Variants in ATRAID observed in about 807,000 individuals in gnomAD.
ATRAID encodes all-trans retinoic acid induced differentiation factor.
ATRAID carries 26 observed loss-of-function variants against 28.8 expected under a neutral mutation model. That is an observed-to-expected ratio of 0.90 (90% CI 0.66 to 1.25). ATRAID has a LOEUF of 1.25. Ranked by LOEUF, ATRAID falls within the 50% of genes most tolerant of loss-of-function variation. The pLI is 0.00. For missense variants in ATRAID, 308 were observed against 285.9 expected (o/e 1.08, Z -0.56); for synonymous variants, 131 against 108.5 (o/e 1.21, Z -1.29).
At chr2:27,215,897 T>A in intron 5 of ATRAID, 144 bp downstream of exon 5, 1 of 1,127,490 alleles carries the variant, frequency 8.9e-7, no homozygotes, top group Non-Finnish European at 1.2e-6. Context: ...GATCTTAAGA[T>A]ATACTCTATT....
At chr2:27,216,256 T>C (rs746512014) in intron 5 of ATRAID, 1 of 438,434 alleles carries the variant, frequency 2.3e-6, no homozygotes, top group Non-Finnish European at 4.2e-6. Flanking sequence ...AATGGTGGAA[T>C]GTCATCAGTT....
At chr2:27,214,499 T>C (rs1251374736) in intron 2 of ATRAID, among the ~76,000 whole-genome samples, 1 of 152,122 alleles carries the variant, frequency 6.6e-6, no homozygotes, top group Non-Finnish European at 1.5e-5. Context: ...AACACAGATT[T>C]CTCCCAATAG....
At chr2:27,212,600 C>A in intron 1 of ATRAID, 133 bp downstream of exon 1, 1 of 1,438,806 alleles carries the variant, frequency 7.0e-7, no homozygotes, top group African/African-American at 1.5e-5. Context: ...CCGACCCTGC[C>A]CAGCCAGGTC....
intron 2 of ATRAID, among the ~76,000 whole-genome samples, chr2:27,213,720 A>G (rs566767004): frequency 3.3e-5 from 5 of 152,226 alleles, no homozygotes; most frequent in Admixed American, 2.6e-4. Flanking sequence ...GTCCCAACCC[A>G]CTTTTCCAAC....
In ATRAID at chr2:27,212,115, G is replaced by C. The variant is rs562421855; in HGVS notation, c.-254G>C. 8.6e-3 allele frequency: 12,854 copies of C among 1,496,594 alleles called. 75 individuals carry two copies. Among genetic ancestry groups the C allele is most frequent in the Non-Finnish European group, 0.01 (11,688 of 1,126,212 alleles). 92.7% of individuals were successfully genotyped at this position (1,496,594 alleles called of 1,614,324 possible). ...GCTGAGGGAGTCTGCAGTCGGCTCC[G>C]GGAAGCCGCGCGGCGACGGGGGAGG... is the stretch of plus-strand genomic sequence containing the variant. On this transcript the variant is annotated 5_prime_UTR_variant, in exon 1 of 7. Transcript: ENST00000380171.
intron 5 of ATRAID, 21 bp from the exon 6 acceptor site, chr2:27,216,502 C>G (rs1558522479): frequency 1.3e-6 from 2 of 1,560,156 alleles, no homozygotes; most frequent in South Asian, 1.1e-5. Flanking sequence ...GTGATGTTCT[C>G]TATTTCTCTC....
chr2:27,215,043 C>T (rs1674767907), intron 2 of ATRAID, among the ~76,000 whole-genome samples: 1 of 152,122 alleles, frequency 6.6e-6, no homozygotes, highest in Admixed American at 6.5e-5. Context: ...AAGTGATCCT[C>T]CCCCGCTTGG....
intron 2 of ATRAID, among the ~76,000 whole-genome samples, chr2:27,213,751 C>T (rs1050024318): frequency 2.6e-5 from 4 of 152,076 alleles, no homozygotes; most frequent in African/African-American, 7.2e-5. Flanking sequence ...ATTACTTGTC[C>T]GCTCAAACCT....
chr2:27,212,707 ATAACTT>A (rs766269297), intron 1 of ATRAID: 64 of 1,275,974 alleles, frequency 5.0e-5, no homozygotes, highest in Non-Finnish European at 6.3e-5. Flanking sequence ...TAATTTTAGA[ATAACTT>A]TAAGTTCTTT....
At chr2:27,215,269 G>A (rs1231089201) in intron 2 of ATRAID, 52 bp from the exon 3 acceptor site, 3 of 1,568,564 alleles carry the variant, frequency 1.9e-6, no homozygotes, top group Non-Finnish European at 2.6e-6. Flanking sequence ...ACTGTGCCGT[G>A]GCTGAAGAAA....
At chr2:27,214,015 G>C (rs537066274) in intron 2 of ATRAID, among the ~76,000 whole-genome samples, 1 of 151,980 alleles carries the variant, frequency 6.6e-6, no homozygotes, top group East Asian at 1.9e-4. Flanking sequence ...GCATGATCTC[G>C]GCTCACCGCG....
intron 6 of ATRAID, 83 bp from the exon 7 acceptor site, chr2:27,216,761 G>C: frequency 6.9e-6 from 10 of 1,439,406 alleles, no homozygotes; most frequent in Non-Finnish European, 9.7e-7. Flanking sequence ...AAAGTGATAG[G>C]TATATTAGGA....
rs756784358 is a variant in ATRAID, at chr2:27,213,167, T to C, written c.100-10T>C. 3.1e-6 allele frequency: 5 copies of C among 1,609,504 alleles called. 1 individual carries two copies. In the South Asian group the frequency reaches 5.5e-5, roughly 18 times the overall value. ...TTTCTGGAGTTCTAATGTTTCTTTC[T>C]CTTCTGCAGATATGCACCCAATGTC... On this transcript the variant is annotated splice_polypyrimidine_tract_variant and intron_variant, in intron 1 of 6. Transcript: ENST00000380171.
intron 2 of ATRAID, 141 bp from the exon 3 acceptor site, chr2:27,215,180 C>T: frequency 3.9e-6 from 3 of 770,964 alleles, no homozygotes; most frequent in Non-Finnish European, 6.4e-6. Flanking sequence ...AAAATGTCTA[C>T]CACAGCTCCT....
intron 1 of ATRAID, chr2:27,212,938 C>T (rs1035618129): frequency 5.6e-6 from 3 of 539,788 alleles, no homozygotes; most frequent in Non-Finnish European, 6.5e-6. Context: ...TGAGGACCTT[C>T]CCTGTGCGAT....
Position 27,212,068 on chromosome 2 carries a change from G to C in ATRAID, c.-301G>C, listed in dbSNP as rs1393022800. ...GTTTCTGCGAAGCCGCGACCTCGGC[G>C]TCCGGACGCGGGGAACACCGGGCTG... On this transcript the variant is annotated 5_prime_UTR_variant, in exon 1 of 7. Coordinates refer to ENST00000380171, the MANE Select transcript of ATRAID (RefSeq NM_001170795.4). 1 of 1,220,578 alleles carries C rather than the reference G, an allele frequency of 8.2e-7. No individual in the cohort carries two copies. Among genetic ancestry groups the C allele is most frequent in the Non-Finnish European group, 1.1e-6 (1 of 902,662 alleles). The allele number at this position is 1,220,578 out of a possible 1,614,324, so 75.6% of individuals were successfully genotyped here.
At position 27,216,980 on chromosome 2, in the gene ATRAID, A is replaced by C; in HGVS notation, c.*32A>C. On this transcript the variant is annotated 3_prime_UTR_variant, in exon 7 of 7. Coordinates refer to ENST00000380171, the MANE Select transcript of ATRAID (RefSeq NM_001170795.4). Reference sequence around the variant, plus strand: ...TAGGTCTTACCATTGACCTAAGATCAATCTGAACTATCTTAGCCCAGTCAG... The same window carrying C: ...TAGGTCTTACCATTGACCTAAGATCCATCTGAACTATCTTAGCCCAGTCAG... The C allele has an allele frequency of 6.5e-7, 1 of 1,542,558 alleles. No homozygotes were observed. The highest frequency in any genetic ancestry group is 8.9e-7 in the Non-Finnish European group (1 of 1,121,946).
rs772736625 is a variant in ATRAID, at chr2:27,213,203, G to A, written c.126G>A (p.Val42=). ...TATGCACCCAATGTCCAGGGAGCGT[G>A]CAAAATTTGTCAAAAGTGGCCTTTT... The part of the protein sequence containing the change: ...PEICTQCPGS[V]QNLSKVAFYC... Residue 42 remains valine, a synonymous_variant, in exon 2 of 7, where the codon GTG becomes GTA. Transcript: ENST00000380171. 4 of 1,613,954 alleles carry A rather than the reference G, an allele frequency of 2.5e-6. No homozygotes were observed. In the East Asian group the frequency reaches 8.9e-5, roughly 36 times the overall value.
In ATRAID at chr2:27,212,255, A is replaced by C; in HGVS notation, c.-114A>C. 1 of 1,559,934 alleles carries C rather than the reference A, an allele frequency of 6.4e-7. No individual in the cohort carries two copies. The highest frequency in any genetic ancestry group is 1.2e-5 in the South Asian group (1 of 84,782). On this transcript the variant is annotated 5_prime_UTR_variant, in exon 1 of 7. Transcript: ENST00000380171. Reference sequence around the variant, plus strand: ...GCAGGAAAAGCCCCCAAGCAGCCCCAGGGCGACTGGACCGGGCCGCTTAGG... The same window carrying C: ...GCAGGAAAAGCCCCCAAGCAGCCCCCGGGCGACTGGACCGGGCCGCTTAGG...
Sources: allele counts gnomAD v4.1 joint callset (sites outside exome capture counted in the v4.1 genomes callset), GRCh38; gene constraint gnomAD v4.1.1; transcripts MANE v1.5; gene names NCBI Gene and HGNC (gene_info 2026-07-23, HGNC 2026-07-21).